The following MFAP4 variants were observed in gnomAD, a reference collection of about 807,000 sequenced individuals.
MFAP4 encodes microfibril associated protein 4.
In MFAP4, 20 loss-of-function variants were observed where a neutral mutation model predicts 32.4. The observed-to-expected ratio is 0.62, with a 90% CI of 0.43 to 0.90. MFAP4 has a LOEUF of 0.90. Among genes scored for constraint, MFAP4 ranks in the 40% least tolerant of loss-of-function variants. The pLI is 0.00. For synonymous variants in MFAP4, 146 were observed against 137.4 expected, an observed-to-expected ratio of 1.06 and a Z score of -0.44; for missense variants, 267 against 329.5, an observed-to-expected ratio of 0.81 and a Z score of 1.47.
intron 1 of MFAP4, 139 bp from the exon 2 acceptor site, chr17:19,386,977 G>GGGGGCCCCCCCCCCCCC: frequency 1.5e-6 from 1 of 689,436 alleles, no homozygotes; most frequent in Non-Finnish European, 2.4e-6. Context: ...CCTCTTCCCT[G>GGGGGCCCCCCCCCCCCC]CCCCCCCACC....
At chr17:19,387,010 C>T in intron 1 of MFAP4, 140 bp downstream of exon 1, 1 of 1,258,368 alleles carries the variant, frequency 7.9e-7, no homozygotes, top group Non-Finnish European at 1.1e-6. Flanking sequence ...TAACCCCACT[C>T]TCTGGGACGC....
At position 19,386,792 on chromosome 17, in the gene MFAP4, C is replaced by T. The variant is rs901882348; in HGVS notation, c.53G>A (p.Cys18Tyr). The T allele has an allele frequency of 3.6e-5, 57 of 1,577,756 alleles. No homozygotes were observed. The highest frequency in any genetic ancestry group is 4.6e-5 in the Non-Finnish European group (54 of 1,161,734). Residue 18 changes from cysteine to tyrosine, a missense_variant, in exon 2 of 6, where the codon TGT (cysteine) becomes TAT (tyrosine). By Grantham distance (194) the Cys-to-Tyr change is radical. This residue lies in a region of MFAP4 where 223 missense variants were observed against 253.3 expected (regional missense o/e 0.88). Coordinates refer to ENST00000299610, the MANE Select transcript of MFAP4 (RefSeq NM_002404.3). ...TCGGATCCCGGAGACCTGGGGGGCACACGGGGGCGTGGAGAGAAGCAGCAG... is the reference window on the plus strand; with the variant it reads ...TCGGATCCCGGAGACCTGGGGGGCATACGGGGGCGTGGAGAGAAGCAGCAG... ...PLLLLLSTPPCAPQVSGIRGD... is the reference protein window; with the variant it reads ...PLLLLLSTPPYAPQVSGIRGD...
intron 3 of MFAP4, among the ~76,000 whole-genome samples, chr17:19,386,058 C>A (rs1489251125): frequency 6.6e-6 from 1 of 152,184 alleles, no homozygotes; most frequent in Admixed American, 6.5e-5. Context: ...GGTGGAGTTT[C>A]CAGCAGTGAG....
chr17:19,386,972 T>TGCCAGGGCCCCCCCCC, intron 1 of MFAP4, 134 bp from the exon 2 acceptor site: 1 of 937,012 alleles, frequency 1.1e-6, no homozygotes, highest in Non-Finnish European at 1.7e-6. Context: ...TGGCCCCTCT[T>TGCCAGGGCCCCCCCCC]CCCTGCCCCC....
intron 5 of MFAP4, 94 bp downstream of exon 5, chr17:19,385,005 G>A (rs550890401): frequency 2.1e-6 from 3 of 1,445,554 alleles, no homozygotes; most frequent in Admixed American, 2.1e-5. Flanking sequence ...AAGGGTTGAA[G>A]GAGGGGCCTG....
At chr17:19,386,924 G>T in intron 1 of MFAP4, 86 bp from the exon 2 acceptor site, 1 of 1,441,728 alleles carries the variant, frequency 6.9e-7, no homozygotes, top group Non-Finnish European at 9.5e-7. Flanking sequence ...CACCATGCAT[G>T]CACATACTGC....
intron 1 of MFAP4, 53 bp downstream of exon 1, chr17:19,387,095 CTG>C: frequency 6.2e-7 from 1 of 1,612,956 alleles, no homozygotes; most frequent in Non-Finnish European, 8.5e-7. Context: ...CCAGGGGCCT[CTG>C]GAGTGGGCTC....
intron 3 of MFAP4, among the ~76,000 whole-genome samples, 166 bp downstream of exon 3, chr17:19,386,144 C>G (rs1913024034): frequency 6.6e-6 from 1 of 152,214 alleles, no homozygotes; most frequent in Admixed American, 6.5e-5. Context: ...CAAACACCTA[C>G]CTCAGGCACT....
intron 3 of MFAP4, 93 bp from the exon 4 acceptor site, chr17:19,385,547 C>G: frequency 1.2e-6 from 1 of 817,646 alleles, no homozygotes; most frequent in Non-Finnish European, 1.9e-6. Context: ...CCCTGTGATG[C>G]TGTGGCCAGT....
intron 3 of MFAP4, 70 bp from the exon 4 acceptor site, chr17:19,385,524 C>T (rs1045600730): frequency 7.0e-7 from 1 of 1,419,530 alleles, no homozygotes; most frequent in Non-Finnish European, 1.0e-6. Flanking sequence ...GCCCTGCCCA[C>T]CTCAAGCATG....
Position 19,384,273 on chromosome 17 carries a change from C to CG in MFAP4, c.*188dup. The CG allele has an allele frequency of 1.5e-6, 1 of 658,746 alleles. No individual in the cohort carries two copies. The highest frequency in any genetic ancestry group is 2.8e-5 in the East Asian group (1 of 35,596). The allele number at this position is 658,746 out of a possible 1,614,324, so 40.8% of individuals were successfully genotyped here. A position where few individuals can be genotyped will look rare whatever the true frequency, so the allele number is the denominator to read the frequency against. The stretch of plus-strand genomic sequence containing the variant: ...AGTGTAACTTCAGGTGTAGGGGAGC[C>CG]GGGTCTGGCTTAGGAATGGATGCCC... On this transcript the variant is annotated 3_prime_UTR_variant, in exon 6 of 6. Coordinates refer to ENST00000299610, the MANE Select transcript of MFAP4 (RefSeq NM_002404.3).
intron 1 of MFAP4, 139 bp from the exon 2 acceptor site, chr17:19,386,977 G>GGGGCCCCCCCCCCCCCCCCCCCCCAAA: frequency 1.5e-6 from 1 of 689,452 alleles, no homozygotes; most frequent in Non-Finnish European, 2.4e-6. Flanking sequence ...CCTCTTCCCT[G>GGGGCCCCCCCCCCCCCCCCCCCCCAAA]CCCCCCCACC....
rs758344614 is a variant in MFAP4, at chr17:19,385,441, C to T, written c.254G>A (p.Arg85Lys). 9.3e-6 allele frequency: 15 copies of T among 1,614,240 alleles called. No individual in the cohort carries two copies. The highest frequency in any genetic ancestry group is 1.3e-5 in the Non-Finnish European group (15 of 1,180,032). Residue 85 changes from arginine to lysine, a missense_variant, in exon 4 of 6, where the codon AGA (arginine) becomes AAA (lysine). By Grantham distance (26) the Arg-to-Lys change is conservative. Around this residue, in one of 3 missense-constraint regions of MFAP4, gnomAD observed 223 missense variants for 253.3 expected, o/e 0.88. Coordinates refer to ENST00000299610, the MANE Select transcript of MFAP4 (RefSeq NM_002404.3). Reference sequence around the variant, plus strand: ...GAAGAAACTTACTGAGCCATTGAATCTCTTCTGGAAAACCTGGAGCAGAGA... The same window carrying T: ...GAAGAAACTTACTGAGCCATTGAATTTCTTCTGGAAAACCTGGAGCAGAGA... Reference protein sequence around the residue: ...EGGKWTVFQKRFNGSVSFFRG... With the variant: ...EGGKWTVFQKKFNGSVSFFRG...
rs1912902453 is a variant in MFAP4 at position 19,383,527 on chromosome 17, G to C, written c.*935C>G. ...CAAAATGAGGCCTGTGAAATACAAG[G>C]TTCCCTTCTGCACCTGACTCCAGGT... is the stretch of plus-strand genomic sequence containing the variant. On this transcript the variant is annotated 3_prime_UTR_variant, in exon 6 of 6. Transcript: ENST00000299610. 1 of 217,078 alleles carries C rather than the reference G, an allele frequency of 4.6e-6. No individual in the cohort carries two copies. Among genetic ancestry groups the C allele is most frequent in the Admixed American group, 5.8e-5 (1 of 17,184 alleles). The allele number at this position is 217,078 out of a possible 1,614,324, so 13.4% of individuals were successfully genotyped here. A position where few individuals can be genotyped will look rare whatever the true frequency, so the allele number is the denominator to read the frequency against.
intron 1 of MFAP4, 138 bp from the exon 2 acceptor site, chr17:19,386,976 T>TGGGG: frequency 5.1e-6 from 3 of 590,522 alleles, no homozygotes; most frequent in Non-Finnish European, 8.8e-6. Flanking sequence ...CCCTCTTCCC[T>TGGGG]GCCCCCCCAC....
chr17:19,387,087 A>G, intron 1 of MFAP4, 63 bp downstream of exon 1: 1 of 1,609,536 alleles, frequency 6.2e-7, no homozygotes, highest in Middle Eastern at 1.8e-4. Context: ...CTCTGTGGCC[A>G]GGGGCCTCTG....
chr17:19,386,205 TC>T, intron 3 of MFAP4, 104 bp downstream of exon 3: 1 of 1,054,130 alleles, frequency 9.5e-7, no homozygotes. Context: ...GGTATCATTA[TC>T]CCCATTTTAA....
chr17:19,384,430 G>C lies in MFAP4; in HGVS notation c.*32C>G. On this transcript the variant is annotated 3_prime_UTR_variant, in exon 6 of 6. Transcript: ENST00000299610. ...CACTCATGGAGACCATGGGTGTCCA[G>C]GGGAGGAAAGGTGCCTGAGGGGGCC... 1 of 1,549,584 alleles carries C rather than the reference G, an allele frequency of 6.5e-7. No homozygotes were observed. The highest frequency in any genetic ancestry group is 8.7e-7 in the Non-Finnish European group (1 of 1,145,378).
intron 5 of MFAP4, 38 bp downstream of exon 5, chr17:19,385,061 C>G (rs750523463): frequency 1.3e-6 from 2 of 1,593,578 alleles, no homozygotes; most frequent in Admixed American, 3.4e-5. Flanking sequence ...GCCTTCTTTC[C>G]CCTCACAGCC....
Sources: allele counts gnomAD v4.1 joint callset (sites outside exome capture counted in the v4.1 genomes callset), GRCh38; gene constraint gnomAD v4.1.1; regional missense constraint gnomAD v4.1.1; transcripts MANE v1.5; gene names NCBI Gene and HGNC (gene_info 2026-07-23, HGNC 2026-07-21).